Variants in PPP2R5E observed in about 807,000 individuals in gnomAD.
PPP2R5E encodes serine/threonine-protein phosphatase 2A 56 kDa regulatory subunit epsilon isoform.
In PPP2R5E, 4 loss-of-function variants were observed where a neutral mutation model predicts 65.3. The observed-to-expected ratio is 0.06, with a 90% CI of 0.03 to 0.14. The LOEUF is 0.14. Among genes scored for constraint, PPP2R5E ranks in the 10% least tolerant of loss-of-function variants. The pLI is 1.00. For missense variants in PPP2R5E, 274 were observed against 556.1 expected (o/e 0.49, Z 5.10); for synonymous variants, 183 against 187.4 (o/e 0.98, Z 0.19).
rs1883884228 is a variant in PPP2R5E, at chr14:63,374,650, T to TAGCCA, written c.*1358_*1359insTGGCT. 5 of 105,316 alleles carry TAGCCA rather than the reference T, an allele frequency of 4.7e-5. No homozygotes were observed. Among genetic ancestry groups the TAGCCA allele is most frequent in the African/African-American group, 2.5e-4 (5 of 20,156 alleles). The allele number at this position is 105,316 out of a possible 1,614,324, so 6.5% of individuals were successfully genotyped here. A position where few individuals can be genotyped will look rare whatever the true frequency, so the allele number is the denominator to read the frequency against. The stretch of plus-strand genomic sequence containing the variant: ...AGCCAATAAGATATATATATATATA[T>TAGCCA]ATATATATATATATATATAAAATAC... On this transcript the variant is annotated 3_prime_UTR_variant, in exon 14 of 14. Transcript: ENST00000337537.
intron 13 of PPP2R5E, among the ~76,000 whole-genome samples, chr14:63,376,804 A>C (rs1884009195): frequency 6.6e-6 from 1 of 152,196 alleles, no homozygotes; most frequent in Non-Finnish European, 1.5e-5. Context: ...AAGTTATATA[A>C]ATTCACATTT....
At chr14:63,425,435 A>C (rs1007188319) in intron 3 of PPP2R5E, among the ~76,000 whole-genome samples, 2 of 152,214 alleles carry the variant, frequency 1.3e-5, no homozygotes, top group African/African-American at 4.8e-5. Flanking sequence ...ATCCCAACTG[A>C]GTCATTTATA....
chr14:63,535,123 A>G (rs1893615470), intron 2 of PPP2R5E, among the ~76,000 whole-genome samples: 1 of 152,194 alleles, frequency 6.6e-6, no homozygotes, highest in Non-Finnish European at 1.5e-5. Context: ...AACCCCACCT[A>G]TTAGACATAG....
At chr14:63,527,953 T>C (rs890668240) in intron 2 of PPP2R5E, among the ~76,000 whole-genome samples, 1 of 151,642 alleles carries the variant, frequency 6.6e-6, no homozygotes, top group African/African-American at 2.4e-5. Flanking sequence ...AAATGGCTTC[T>C]AATGGTGGAC....
At chr14:63,401,158 G>C (rs911936180) in intron 5 of PPP2R5E, among the ~76,000 whole-genome samples, 1 of 152,170 alleles carries the variant, frequency 6.6e-6, no homozygotes, top group Non-Finnish European at 1.5e-5. Flanking sequence ...CTGCTTCTCT[G>C]TAGAGAACAT....
intron 10 of PPP2R5E, among the ~76,000 whole-genome samples, chr14:63,391,601 T>G (rs923122048): frequency 6.6e-6 from 1 of 152,148 alleles, no homozygotes; most frequent in East Asian, 1.9e-4. Context: ...TTTTGTATTT[T>G]TAGTAGAGAT....
intron 13 of PPP2R5E, among the ~76,000 whole-genome samples, chr14:63,379,577 T>A (rs1884193969): frequency 6.6e-6 from 1 of 151,794 alleles, no homozygotes; most frequent in South Asian, 2.1e-4. Context: ...TGGCCCCCAT[T>A]TTCTCATTAA....
intron 2 of PPP2R5E, among the ~76,000 whole-genome samples, chr14:63,491,000 G>C (rs1891259287): frequency 6.6e-6 from 1 of 151,180 alleles, no homozygotes; most frequent in African/African-American, 2.4e-5. Flanking sequence ...ACAGTGGACT[G>C]GATAAAAAAA....
intron 3 of PPP2R5E, among the ~76,000 whole-genome samples, chr14:63,447,207 G>A (rs987554771): frequency 3.3e-5 from 5 of 152,214 alleles, no homozygotes; most frequent in African/African-American, 4.8e-5. Flanking sequence ...TTTCTCCTCT[G>A]CAGCTGTAAA....
intron 3 of PPP2R5E, among the ~76,000 whole-genome samples, chr14:63,445,532 T>C (rs1049925427): frequency 1.3e-5 from 2 of 152,142 alleles, no homozygotes; most frequent in East Asian, 3.9e-4. Context: ...GAGGTGGTTG[T>C]GGCACGTTCT....
chr14:63,439,354 G>C (rs966468419), intron 3 of PPP2R5E, among the ~76,000 whole-genome samples: 13 of 143,042 alleles, frequency 9.1e-5, no homozygotes, highest in East Asian at 2.0e-4. Flanking sequence ...GTCCTGGTCT[G>C]TTTTTTTTTT....
chr14:63,387,685 C>A (rs1215857419), intron 11 of PPP2R5E, among the ~76,000 whole-genome samples: 1 of 152,172 alleles, frequency 6.6e-6, no homozygotes, highest in Non-Finnish European at 1.5e-5. Context: ...CTTTCTTCGA[C>A]AAATTGAATT....
chr14:63,462,119 G>A (rs1889511301), intron 2 of PPP2R5E, among the ~76,000 whole-genome samples: 1 of 150,324 alleles, frequency 6.7e-6, no homozygotes, highest in Admixed American at 6.6e-5. Context: ...TGCCCACGCT[G>A]AAGTGCAGTG....
intron 2 of PPP2R5E, among the ~76,000 whole-genome samples, chr14:63,499,048 T>C (rs1891721805): frequency 6.6e-6 from 1 of 152,228 alleles, no homozygotes; most frequent in African/African-American, 2.4e-5. Flanking sequence ...CATTTATATA[T>C]GCACGTTTAC....
chr14:63,448,072 T>C (rs572952494), intron 3 of PPP2R5E, among the ~76,000 whole-genome samples: 3 of 152,118 alleles, frequency 2.0e-5, no homozygotes, highest in East Asian at 1.9e-4. Flanking sequence ...CCAAGGTGGG[T>C]GGATCACAAG....
intron 3 of PPP2R5E, among the ~76,000 whole-genome samples, chr14:63,441,457 A>T (rs773897485): frequency 2.6e-5 from 4 of 152,228 alleles, no homozygotes; most frequent in Non-Finnish European, 5.9e-5. Flanking sequence ...TACTGCCAGA[A>T]ATGGGGGGAC....
chr14:63,493,955 A>C (rs531068118), intron 2 of PPP2R5E, among the ~76,000 whole-genome samples: 4 of 152,290 alleles, frequency 2.6e-5, no homozygotes, highest in African/African-American at 9.6e-5. Flanking sequence ...TGTAGGAAGA[A>C]GGTATTCTCA....
chr14:63,477,884 T>C (rs1388638548), intron 2 of PPP2R5E, among the ~76,000 whole-genome samples: 3 of 151,756 alleles, frequency 2.0e-5, no homozygotes, highest in Non-Finnish European at 4.4e-5. Context: ...AATTTTTAAA[T>C]GTATACTGAA....
chr14:63,384,417 A>T, intron 12 of PPP2R5E, 27 bp downstream of exon 12: 1 of 1,601,974 alleles, frequency 6.2e-7, no homozygotes, highest in Non-Finnish European at 8.5e-7. Flanking sequence ...GGAGGAAGAG[A>T]ACGGAGGAAA....
Sources: allele counts gnomAD v4.1 joint callset (sites outside exome capture counted in the v4.1 genomes callset), GRCh38; gene constraint gnomAD v4.1.1; transcripts MANE v1.5; gene names NCBI Gene and HGNC (gene_info 2026-07-23, HGNC 2026-07-21).